The following ZBTB43 variants were observed in gnomAD, a reference collection of about 807,000 sequenced individuals.
ZBTB43 encodes the protein zinc finger and BTB domain-containing protein 43.
Under a neutral mutation model 31.1 loss-of-function variants are expected in ZBTB43, and 6 were observed. The ratio of observed to expected loss-of-function variants is 0.19; its 90% CI spans 0.11 to 0.38. ZBTB43 has a LOEUF of 0.38. ZBTB43 is among the 10% of genes least tolerant of loss of function. ZBTB43 has a pLI of 1.00. For missense variants in ZBTB43, 379 were observed against 602.1 expected, an observed-to-expected ratio of 0.63 and a Z score of 3.88; for synonymous variants, 212 against 221.7, an observed-to-expected ratio of 0.96 and a Z score of 0.39.
chr9:126,823,612 T>A (rs2032565133), intron 2 of ZBTB43, among the ~76,000 whole-genome samples: 1 of 152,242 alleles, frequency 6.6e-6, no homozygotes, highest in Non-Finnish European at 1.5e-5. Flanking sequence ...AAGATTCACT[T>A]TACAATTTAG....
chr9:126,814,393 C>CAAAG (rs2032327186), intron 2 of ZBTB43, among the ~76,000 whole-genome samples: 1 of 62,816 alleles, frequency 1.6e-5, no homozygotes, highest in African/African-American at 6.1e-5. Flanking sequence ...TTGAAATTTA[C>CAAAG]TTTGATATTA....
At chr9:126,819,939 T>A (rs950816771) in intron 2 of ZBTB43, among the ~76,000 whole-genome samples, 1 of 152,180 alleles carries the variant, frequency 6.6e-6, no homozygotes, top group African/African-American at 2.4e-5. Context: ...AACCACAACA[T>A]TCCTTTAAGC....
At chr9:126,827,549 G>A (rs1225532784) in intron 2 of ZBTB43, among the ~76,000 whole-genome samples, 2 of 152,106 alleles carry the variant, frequency 1.3e-5, no homozygotes, top group African/African-American at 2.4e-5. Context: ...TGTCTGATCC[G>A]CTTCCAGAGG....
chr9:126,823,810 A>C (rs182142868), intron 2 of ZBTB43, among the ~76,000 whole-genome samples: 7 of 152,306 alleles, frequency 4.6e-5, no homozygotes, highest in Non-Finnish European at 1.0e-4. Context: ...TTAACATTTT[A>C]AACTTTTAAC....
Position 126,818,536 on chromosome 9 carries a change from C to T in ZBTB43, c.-24+9621C>T, listed in dbSNP as rs145244996. On this transcript the variant is annotated intron_variant, in intron 2 of 2. Transcript: ENST00000373464. ...CTAGGGTTACAGGCATGAGCCACCA[C>T]GCCTAGCTTCTTGAGTGTTTTTGTC... Among the ~76,000 whole-genome samples the T allele has an allele frequency of 2.2e-4, 33 of 152,258 alleles. 1 individual carries two copies. The East Asian group carries it at 6.0e-3, about 28-fold the overall frequency.
Position 126,835,937 on chromosome 9 carries a change from C to T in ZBTB43, c.*2024C>T, listed in dbSNP as rs1490631463. On this transcript the variant is annotated 3_prime_UTR_variant, in exon 3 of 3. Transcript: ENST00000373464. ...AGTGGGTTTTAGGTATGATCCTAGCCATTATATTTGAGGAGAAATTGTTCT... is the reference window on the plus strand; with the variant it reads ...AGTGGGTTTTAGGTATGATCCTAGCTATTATATTTGAGGAGAAATTGTTCT... The T allele has an allele frequency of 1.2e-5, 2 of 166,946 alleles. No individual in the cohort carries two copies. Among genetic ancestry groups the T allele is most frequent in the East Asian group, 1.9e-4 (1 of 5,198 alleles). 10.3% of individuals were successfully genotyped at this position (166,946 alleles called of 1,614,324 possible). A position where few individuals can be genotyped will look rare whatever the true frequency, so the allele number is the denominator to read the frequency against.
At chr9:126,819,345 A>G (rs891629859) in intron 2 of ZBTB43, among the ~76,000 whole-genome samples, 1 of 144,364 alleles carries the variant, frequency 6.9e-6, no homozygotes, top group Admixed American at 7.2e-5. Flanking sequence ...GAAGTCTATC[A>G]GCATCATTTT....
At chr9:126,829,357 T>C (rs2032718165) in intron 2 of ZBTB43, among the ~76,000 whole-genome samples, 1 of 152,238 alleles carries the variant, frequency 6.6e-6, no homozygotes, top group Non-Finnish European at 1.5e-5. Context: ...AAATATCTAT[T>C]GTAGCATTGC....
intron 2 of ZBTB43, among the ~76,000 whole-genome samples, chr9:126,813,214 G>A (rs772359309): frequency 6.6e-6 from 1 of 151,982 alleles, no homozygotes; most frequent in Non-Finnish European, 1.5e-5. Flanking sequence ...TCCTGACTTC[G>A]AGTGATCCAC....
In ZBTB43 at chr9:126,837,965, C is replaced by T. The variant is rs1312981901; in HGVS notation, c.*4052C>T. The T allele has an allele frequency of 1.2e-5, 2 of 166,556 alleles. No homozygotes were observed. Among genetic ancestry groups the T allele is most frequent in the African/African-American group, 4.8e-5 (2 of 41,278 alleles). The allele number at this position is 166,556 out of a possible 1,614,324, so 10.3% of individuals were successfully genotyped here. A position where few individuals can be genotyped will look rare whatever the true frequency, so the allele number is the denominator to read the frequency against. ...CTTTATTTATGCAAGTCAGGTGACT[C>T]TTAGGCCACAAAACCATTTGATGAT... On this transcript the variant is annotated 3_prime_UTR_variant, in exon 3 of 3. Coordinates refer to ENST00000373464, the MANE Select transcript of ZBTB43 (RefSeq NM_014007.4).
At chr9:126,824,103 T>C (rs892109386) in intron 2 of ZBTB43, among the ~76,000 whole-genome samples, 4 of 152,112 alleles carry the variant, frequency 2.6e-5, no homozygotes, top group African/African-American at 9.7e-5. Flanking sequence ...CTCCGCTCAC[T>C]GCAACCTCAA....
upstream of ZBTB43, chr9:126,804,966 A>T (rs559924236): frequency 1.0e-4 from 16 of 152,436 alleles, 1 homozygote. Flanking sequence ...TTTCTCTCTG[A>T]CGCACCCCCG....
intron 2 of ZBTB43, among the ~76,000 whole-genome samples, chr9:126,825,842 A>ATTTTTTTT (rs72512629): frequency 3.3e-5 from 3 of 91,198 alleles, no homozygotes; most frequent in Admixed American, 1.3e-4. Flanking sequence ...TCCTTTTTAT[A>ATTTTTTTT]TTTTTTTTTT....
chr9:126,837,782 A>C lies in ZBTB43; in HGVS notation c.*3869A>C, dbSNP rs745551819. On this transcript the variant is annotated 3_prime_UTR_variant, in exon 3 of 3. Transcript: ENST00000373464. Reference sequence around the variant, plus strand: ...TTAAAGGTACAAGTTTCTTATTTCAAATCTCTACTGATAGTGCCCTATGGG... The same window carrying C: ...TTAAAGGTACAAGTTTCTTATTTCACATCTCTACTGATAGTGCCCTATGGG... The C allele has an allele frequency of 1.2e-5, 2 of 165,720 alleles. No individual in the cohort carries two copies. The highest frequency in any genetic ancestry group is 2.9e-5 in the Non-Finnish European group (2 of 67,938). 10.3% of individuals were successfully genotyped at this position (165,720 alleles called of 1,614,324 possible). A position where few individuals can be genotyped will look rare whatever the true frequency, so the allele number is the denominator to read the frequency against.
chr9:126,826,649 A>G (rs1488429409), intron 2 of ZBTB43, among the ~76,000 whole-genome samples: 1 of 151,238 alleles, frequency 6.6e-6, no homozygotes, highest in Non-Finnish European at 1.5e-5. Context: ...ATTTTTTAGT[A>G]GAAATGGGGT....
At position 126,834,327 on chromosome 9, in the gene ZBTB43, T is replaced by G. The variant is rs1329324430; in HGVS notation, c.*414T>G. ...TCTTGCTATAGATACTTAGGTAATGTGGATTTGTTTTGGTAGCTATTTCAC... is the reference window on the plus strand; with the variant it reads ...TCTTGCTATAGATACTTAGGTAATGGGGATTTGTTTTGGTAGCTATTTCAC... On this transcript the variant is annotated 3_prime_UTR_variant, in exon 3 of 3. Coordinates refer to ENST00000373464, the MANE Select transcript of ZBTB43 (RefSeq NM_014007.4). 5.8e-6 allele frequency: 1 copy of G among 171,592 alleles called. No homozygotes were observed. The highest frequency in any genetic ancestry group is 2.4e-5 in the African/African-American group (1 of 41,596). The allele number at this position is 171,592 out of a possible 1,614,324, so 10.6% of individuals were successfully genotyped here.
intron 2 of ZBTB43, among the ~76,000 whole-genome samples, chr9:126,822,791 A>G (rs759160114): frequency 2.6e-4 from 40 of 152,192 alleles, no homozygotes; most frequent in Non-Finnish European, 5.6e-4. Context: ...ACCGTTCAGC[A>G]GTCACCACCC....
At position 126,824,741 on chromosome 9, in the gene ZBTB43, A is replaced by G. The variant is rs141529490; in HGVS notation, c.-23-7746A>G. Among the ~76,000 whole-genome samples the G allele has an allele frequency of 5.1e-3, 781 of 152,336 alleles. 2 individuals carry two copies. Among genetic ancestry groups the G allele is most frequent in the South Asian group, 0.021 (99 of 4,828 alleles). On this transcript the variant is annotated intron_variant, in intron 2 of 2. Transcript: ENST00000373464. ...CTTTGGCTCTTTCTACAGTTTGACT[A>G]TAATGTGTCTTTATCCTGCCTAGAG...
intron 1 of ZBTB43, among the ~76,000 whole-genome samples, chr9:126,807,760 C>G (rs1479265975): frequency 6.6e-6 from 1 of 152,010 alleles, no homozygotes; most frequent in Admixed American, 6.6e-5. Flanking sequence ...TTCAACCTCC[C>G]GAGTAGCTGG....
Sources: allele counts gnomAD v4.1 joint callset (sites outside exome capture counted in the v4.1 genomes callset), GRCh38; gene constraint gnomAD v4.1.1; transcripts MANE v1.5; gene names NCBI Gene and HGNC (gene_info 2026-07-23, HGNC 2026-07-21).